Variants in CTNNA3 observed in about 807,000 individuals in gnomAD.
CTNNA3 encodes catenin alpha 3, also known as catenin alpha-3.
Under a neutral mutation model 95.7 loss-of-function variants are expected in CTNNA3, and 76 were observed. The observed-to-expected ratio is 0.79, with a 90% CI of 0.66 to 0.96. The LOEUF (loss-of-function observed/expected upper bound fraction) is 0.96, where lower values mean the gene tolerates loss of function less well. CTNNA3 is among the 40% of genes least tolerant of loss of function. CTNNA3 has a pLI of 0.00. For synonymous variants in CTNNA3, 431 were observed against 374.4 expected (o/e 1.15, Z -1.74); for missense variants, 1,191 against 1,089.8 (o/e 1.09, Z -1.31).
chr10:67,049,975 T>G (rs773150251), intron 7 of CTNNA3, among the ~76,000 whole-genome samples: 2 of 152,228 alleles, frequency 1.3e-5, no homozygotes, highest in Non-Finnish European at 2.9e-5. Context: ...TCATAACTTA[T>G]CTTTAAATGT....
chr10:67,660,538 T>G (rs1460901779), intron 1 of CTNNA3, among the ~76,000 whole-genome samples: 2 of 152,150 alleles, frequency 1.3e-5, no homozygotes, highest in Admixed American at 1.3e-4. Flanking sequence ...TAGCAAGAGA[T>G]TAATAGATAC....
intron 13 of CTNNA3, among the ~76,000 whole-genome samples, chr10:66,112,638 C>T (rs2133783875): frequency 6.6e-6 from 1 of 152,176 alleles, no homozygotes; most frequent in South Asian, 2.1e-4. Flanking sequence ...ATTTCCCCTC[C>T]CCTCAGCTTG....
In CTNNA3 at chr10:66,094,702, A is replaced by T. The variant is rs554235340; in HGVS notation, c.1977+8455T>A. Among the ~76,000 whole-genome samples the T allele has an allele frequency of 6.4e-4, 97 of 152,272 alleles. 1 individual carries two copies. Among genetic ancestry groups the T allele is most frequent in the African/African-American group, 2.0e-3 (84 of 41,590 alleles). ...TTGATGGACTATAATCCCTCTCACC[A>T]TATCTCTGACAAATCTTTGTTTCAG... On this transcript the variant is annotated intron_variant, in intron 14 of 17. Transcript: ENST00000433211.
chr10:66,590,233 G>C (rs556499546), intron 10 of CTNNA3, among the ~76,000 whole-genome samples: 1 of 152,014 alleles, frequency 6.6e-6, no homozygotes, highest in Non-Finnish European at 1.5e-5. Context: ...TTACAAAGGA[G>C]GGACTGAAGA....
intron 1 of CTNNA3, among the ~76,000 whole-genome samples, chr10:67,716,141 G>A (rs1219242906): frequency 1.3e-5 from 2 of 151,936 alleles, no homozygotes; most frequent in East Asian, 1.9e-4. Context: ...TCAAATATAG[G>A]TATATTAACA....
At chr10:66,659,997 T>C (rs553668066) in intron 9 of CTNNA3, among the ~76,000 whole-genome samples, 1 of 152,198 alleles carries the variant, frequency 6.6e-6, no homozygotes, top group African/African-American at 2.4e-5. Flanking sequence ...GTTTTTTTTC[T>C]TTTTCATAGT....
Position 67,219,790 on chromosome 10 carries a change from T to C in CTNNA3, c.660A>G (p.Ser220=), listed in dbSNP as rs745748837. 7.4e-6 allele frequency: 12 copies of C among 1,614,102 alleles called. No individual in the cohort carries two copies. Among genetic ancestry groups the C allele is most frequent in the Non-Finnish European group, 9.3e-6 (11 of 1,179,990 alleles). ...SLKENSPLLH[S]ICSACLEHSD... is the part of the protein sequence containing the mutation. ...AATGCTCCAAACAAGCTGAACAAAT[T>C]GAATGCAAGAGGGGAGAGTTCTCCT... Residue 220 remains serine, a synonymous_variant, in exon 6 of 18, where the codon TCA becomes TCG. Coordinates refer to ENST00000433211, the MANE Select transcript of CTNNA3 (RefSeq NM_013266.4).
intron 6 of CTNNA3, among the ~76,000 whole-genome samples, chr10:67,206,539 G>A (rs954898663): frequency 6.6e-6 from 1 of 151,856 alleles, no homozygotes; most frequent in Non-Finnish European, 1.5e-5. Flanking sequence ...AAAGAATAAG[G>A]AGGGAAATTG....
intron 1 of CTNNA3, among the ~76,000 whole-genome samples, chr10:67,653,728 C>T (rs1243890199): frequency 6.6e-6 from 1 of 152,066 alleles, no homozygotes; most frequent in African/African-American, 2.4e-5. Flanking sequence ...GATTATCACC[C>T]AAATAAATGG....
Position 67,181,756 on chromosome 10 carries a change from G to C in CTNNA3, c.844-1236C>G, listed in dbSNP as rs151090769. ...ATATTTGGGGATTGAAAGTAGCCAG[G>C]ATACAATTTTAAAAGCCACAACTGC... On this transcript the variant is annotated intron_variant, in intron 6 of 17. Transcript: ENST00000433211. Among the ~76,000 whole-genome samples, 195 of 151,948 alleles carry C rather than the reference G, an allele frequency of 1.3e-3. 2 individuals carry two copies. Among genetic ancestry groups the C allele is most frequent in the African/African-American group, 4.6e-3 (192 of 41,460 alleles).
rs879466639 is a variant in CTNNA3 at position 67,083,170 on chromosome 10, GA to G, written c.1047+97146del. Among the ~76,000 whole-genome samples, 441 of 144,652 alleles carry G rather than the reference GA, an allele frequency of 3.0e-3. 1 individual carries two copies. Among genetic ancestry groups the G allele is most frequent in the African/African-American group, 9.7e-3 (385 of 39,598 alleles). 94.9% of individuals were successfully genotyped at this position (144,652 alleles called of 152,430 possible). On this transcript the variant is annotated intron_variant, in intron 7 of 17. Transcript: ENST00000433211. Reference sequence around the variant, plus strand: ...ATATCCATAGGTCTACCTAATTTGAGAAAAAAAAAAACTTCCTTTATTCGAA... The same window carrying G: ...ATATCCATAGGTCTACCTAATTTGAGAAAAAAAAAACTTCCTTTATTCGAA...
At chr10:67,319,446 A>G (rs533281570) in intron 5 of CTNNA3, among the ~76,000 whole-genome samples, 1 of 152,342 alleles carries the variant, frequency 6.6e-6, no homozygotes, top group African/African-American at 2.4e-5. Flanking sequence ...TGCCTAGCAC[A>G]TAAAAGGTGC....
chr10:66,621,607 A>C, intron 10 of CTNNA3, 85 bp downstream of exon 10: 2 of 793,192 alleles, frequency 2.5e-6, no homozygotes, highest in South Asian at 4.0e-5. Context: ...AAAAAAAAGA[A>C]AAAAAAATAG....
chr10:67,728,398 A>G (rs1294235983), intron 1 of CTNNA3, among the ~76,000 whole-genome samples: 1 of 149,336 alleles, frequency 6.7e-6, no homozygotes, highest in Non-Finnish European at 1.5e-5. Flanking sequence ...GGTTATATAT[A>G]TATACATAAT....
At chr10:67,094,353 G>C (rs1250777254) in intron 7 of CTNNA3, among the ~76,000 whole-genome samples, 1 of 151,662 alleles carries the variant, frequency 6.6e-6, no homozygotes, top group Non-Finnish European at 1.5e-5. Flanking sequence ...ATTAAACAGT[G>C]AACTAGGTCT....
At chr10:67,201,898 G>T (rs1365607209) in intron 6 of CTNNA3, among the ~76,000 whole-genome samples, 1 of 152,046 alleles carries the variant, frequency 6.6e-6, no homozygotes, top group Non-Finnish European at 1.5e-5. Flanking sequence ...AGCAACCTCA[G>T]GTAATTAAAC....
chr10:66,649,423 TAAG>T (rs368329263), intron 9 of CTNNA3, among the ~76,000 whole-genome samples: 1 of 152,038 alleles, frequency 6.6e-6, no homozygotes, highest in African/African-American at 2.4e-5. Flanking sequence ...CTGATAAAGG[TAAG>T]AAGGACAGTT....
chr10:66,211,057 C>T (rs2088123083), intron 13 of CTNNA3, among the ~76,000 whole-genome samples: 1 of 152,112 alleles, frequency 6.6e-6, no homozygotes, highest in Non-Finnish European at 1.5e-5. Context: ...TCATACTGTA[C>T]CATTAATGAA....
At chr10:66,145,809 T>G (rs2083854370) in intron 13 of CTNNA3, among the ~76,000 whole-genome samples, 1 of 152,192 alleles carries the variant, frequency 6.6e-6, no homozygotes, top group Non-Finnish European at 1.5e-5. Context: ...AGAATCAAAA[T>G]GAGACATGAA....
Sources: gnomAD v4.1 joint callset for allele counts (sites outside exome capture counted in the v4.1 genomes callset) on GRCh38, gnomAD v4.1.1 for gene constraint, MANE v1.5 for transcripts, NCBI Gene and HGNC (gene_info 2026-07-23, HGNC 2026-07-21) for gene names.